Variants in APBB2 observed in about 807,000 individuals in gnomAD.
APBB2 encodes Fe65-like 1.
A neutral mutation model predicts 82.5 loss-of-function variants in APBB2; 38 were observed. That is an observed-to-expected ratio of 0.46 (90% CI 0.36 to 0.60). The LOEUF is 0.60. Among genes scored for constraint, APBB2 ranks in the 20% least tolerant of loss-of-function variants. The pLI is 0.00. For missense variants in APBB2, 772 were observed against 972.3 expected (o/e 0.79, Z 2.74); for synonymous variants, 341 against 368.2 (o/e 0.93, Z 0.85).
chr4:41,165,935 G>A (rs1184012594), intron 1 of APBB2, among the ~76,000 whole-genome samples: 13 of 148,384 alleles, frequency 8.8e-5, no homozygotes, highest in South Asian at 6.4e-4. Flanking sequence ...GTGCAGTGGC[G>A]CGATCTCCAC....
intron 1 of APBB2, among the ~76,000 whole-genome samples, chr4:41,178,434 C>T (rs1315973026): frequency 6.6e-6 from 1 of 152,112 alleles, no homozygotes; most frequent in Admixed American, 6.5e-5. Flanking sequence ...AAAGTACTTA[C>T]AACAGTATGT....
chr4:41,203,190 TA>T (rs147550108), intron 1 of APBB2, among the ~76,000 whole-genome samples: 7 of 151,242 alleles, frequency 4.6e-5, no homozygotes, highest in East Asian at 3.9e-4. Context: ...TTGCAGCTTG[TA>T]AAAAAAAGAT....
At chr4:40,940,331 G>A (rs1047164306) in intron 7 of APBB2, among the ~76,000 whole-genome samples, 4 of 152,158 alleles carry the variant, frequency 2.6e-5, no homozygotes, top group East Asian at 1.9e-4. Flanking sequence ...CTTACTCAGC[G>A]TAAATCACTT....
chr4:41,002,015 A>T (rs1441104813), intron 6 of APBB2, among the ~76,000 whole-genome samples: 2 of 152,202 alleles, frequency 1.3e-5, no homozygotes, highest in Non-Finnish European at 2.9e-5. Flanking sequence ...ATGGAATGCT[A>T]ACCATATATG....
intron 2 of APBB2, among the ~76,000 whole-genome samples, chr4:41,138,417 T>C (rs1758189292): frequency 6.6e-6 from 1 of 152,148 alleles, no homozygotes; most frequent in Non-Finnish European, 1.5e-5. Flanking sequence ...ATTTCATTGT[T>C]GGGGGGAAAG....
At chr4:41,207,428 C>T (rs1288657532) in intron 1 of APBB2, among the ~76,000 whole-genome samples, 3 of 152,050 alleles carry the variant, frequency 2.0e-5, no homozygotes, top group Non-Finnish European at 4.4e-5. Context: ...TGGCTTTCAC[C>T]CATCACCATT....
intron 3 of APBB2, among the ~76,000 whole-genome samples, chr4:41,071,922 G>T (rs1458450417): frequency 1.3e-5 from 2 of 152,084 alleles, no homozygotes; most frequent in Non-Finnish European, 2.9e-5. Context: ...TGCTCTGCTG[G>T]AACATGAGAA....
intron 10 of APBB2, among the ~76,000 whole-genome samples, chr4:40,904,152 C>T (rs1776074754): frequency 6.6e-6 from 1 of 152,120 alleles, no homozygotes; most frequent in Non-Finnish European, 1.5e-5. Flanking sequence ...GCAATTAGGC[C>T]AGGTGCAGTA....
At chr4:40,989,749 C>T (rs1454753459) in intron 6 of APBB2, among the ~76,000 whole-genome samples, 3 of 152,108 alleles carry the variant, frequency 2.0e-5, no homozygotes, top group Non-Finnish European at 4.4e-5. Context: ...CTGTGTCATC[C>T]GAGCCTCGTC....
chr4:40,840,453 C>A (rs1042078967), intron 12 of APBB2, among the ~76,000 whole-genome samples: 7 of 152,142 alleles, frequency 4.6e-5, no homozygotes, highest in African/African-American at 1.7e-4. Context: ...GATGGCCAAT[C>A]CAGAATGACC....
At chr4:40,876,626 G>C (rs1766982271) in intron 12 of APBB2, among the ~76,000 whole-genome samples, 1 of 152,084 alleles carries the variant, frequency 6.6e-6, no homozygotes, top group Admixed American at 6.6e-5. Flanking sequence ...TATAACCTAT[G>C]CACATCTTCC....
At chr4:40,902,984 T>A (rs939594479) in intron 10 of APBB2, among the ~76,000 whole-genome samples, 16 of 151,816 alleles carry the variant, frequency 1.1e-4, no homozygotes, top group African/African-American at 2.2e-4. Context: ...GTAAAAAAAA[T>A]TTTTTTTAAT....
intron 12 of APBB2, among the ~76,000 whole-genome samples, chr4:40,847,305 T>C (rs1451015710): frequency 6.6e-6 from 1 of 151,672 alleles, no homozygotes; most frequent in Admixed American, 6.6e-5. Context: ...CTACTAAAAA[T>C]ACAAAAATTA....
At chr4:40,987,604 GCA>G (rs1037637265) in intron 6 of APBB2, among the ~76,000 whole-genome samples, 2 of 152,116 alleles carry the variant, frequency 1.3e-5, no homozygotes, top group African/African-American at 4.8e-5. Context: ...ATGAAGGACT[GCA>G]CACAGTCTCT....
intron 1 of APBB2, among the ~76,000 whole-genome samples, chr4:41,195,407 C>G: frequency 6.6e-6 from 1 of 152,306 alleles, no homozygotes; most frequent in African/African-American, 2.4e-5. Context: ...ACAAACCGTG[C>G]TCGCTCCACT....
rs1748834097 is a variant in APBB2, at chr4:40,823,778, A to T, written c.1817-19T>A. On this transcript the variant is annotated intron_variant, in intron 15 of 17. Transcript: ENST00000508593. Reference sequence around the variant, plus strand: ...TCCATTCCTGGGGACAGAAAAGGATAATTTAAAGTGTCCTAAAGCCACTTA... The same window carrying T: ...TCCATTCCTGGGGACAGAAAAGGATTATTTAAAGTGTCCTAAAGCCACTTA... 1 of 1,572,850 alleles carries T rather than the reference A, an allele frequency of 6.4e-7. No individual in the cohort carries two copies. Among genetic ancestry groups the T allele is most frequent in the African/African-American group, 1.4e-5 (1 of 73,510 alleles).
At chr4:40,856,915 G>A (rs909795813) in intron 12 of APBB2, 4 of 978,850 alleles carry the variant, frequency 4.1e-6, no homozygotes, top group Non-Finnish European at 4.9e-6. Context: ...TTGTCCCGCA[G>A]GTCTCCCGCG....
intron 7 of APBB2, among the ~76,000 whole-genome samples, chr4:40,943,381 GA>G (rs1180237389): frequency 2.6e-5 from 4 of 152,206 alleles, no homozygotes; most frequent in Admixed American, 2.6e-4. Flanking sequence ...GAGGAATGGA[GA>G]AAGATTCTTG....
At chr4:41,056,111 C>T (rs896592574) in intron 4 of APBB2, among the ~76,000 whole-genome samples, 1 of 151,950 alleles carries the variant, frequency 6.6e-6, no homozygotes, top group Non-Finnish European at 1.5e-5. Context: ...ACCTGGGAAG[C>T]GGAAGTTGCA....
Sources: gnomAD v4.1 joint callset for allele counts (sites outside exome capture counted in the v4.1 genomes callset) on GRCh38, gnomAD v4.1.1 for gene constraint, MANE v1.5 for transcripts, NCBI Gene and HGNC (gene_info 2026-07-23, HGNC 2026-07-21) for gene names.